The following TAB2 variants were observed in gnomAD, a reference collection of about 807,000 sequenced individuals.
TAB2 encodes the protein TGF-beta-activated kinase 1 and MAP3K7-binding protein 2.
TAB2 carries 3 observed loss-of-function variants against 65.0 expected under a neutral mutation model. That is an observed-to-expected ratio of 0.05 (90% CI 0.02 to 0.12). The LOEUF is 0.12. TAB2 is among the 10% of genes least tolerant of loss of function. The pLI is 1.00. For missense variants in TAB2, 623 were observed against 840.3 expected (o/e 0.74, Z 3.20); for synonymous variants, 298 against 285.1 (o/e 1.05, Z -0.46).
chr6:149,409,503 G>A (rs1003649453), intron 6 of TAB2, 74 bp from the exon 7 acceptor site: 9 of 1,365,454 alleles, frequency 6.6e-6, no homozygotes, highest in Non-Finnish European at 9.3e-6. Context: ...ACTACAAATG[G>A]TGTTTAAAGT....
chr6:149,404,878 C>G (rs544144213), intron 6 of TAB2, among the ~76,000 whole-genome samples: 16 of 152,120 alleles, frequency 1.1e-4, no homozygotes, highest in South Asian at 2.1e-4. Flanking sequence ...GATATGACAC[C>G]AAAAGCACAG....
intron 3 of TAB2, among the ~76,000 whole-genome samples, chr6:149,397,372 C>G (rs1447015837): frequency 6.6e-6 from 1 of 151,182 alleles, no homozygotes; most frequent in Non-Finnish European, 1.5e-5. Context: ...ACCCAGGAGG[C>G]AGAGGTTGCA....
At chr6:149,239,302 T>A (rs1387259478) in intron 1 of TAB2, among the ~76,000 whole-genome samples, 2 of 152,152 alleles carry the variant, frequency 1.3e-5, no homozygotes, top group Non-Finnish European at 2.9e-5. Flanking sequence ...GGCCTGGAGT[T>A]GCCATGACCA....
In TAB2 at chr6:149,379,454, T is replaced by C. The variant is rs756934259; in HGVS notation, c.1539T>C (p.His513=). Residue 513 remains histidine, a synonymous_variant, in exon 3 of 7, where the codon CAT becomes CAC. Transcript: ENST00000637181. ...IQHLTDPTLA[H]VDRISETRKL... is the part of the protein sequence containing the mutation. ...ACCTCACGGACCCTACATTAGCACA[T>C]GTGGATAGAATAAGTGAAACACGGA... 4 of 1,613,878 alleles carry C rather than the reference T, an allele frequency of 2.5e-6. No homozygotes were observed. Among genetic ancestry groups the C allele is most frequent in the South Asian group, 1.1e-5 (1 of 91,056 alleles).
chr6:149,357,430 A>AAAAAACACACACACACACAC, intron 1 of TAB2, among the ~76,000 whole-genome samples: 49 of 111,176 alleles, frequency 4.4e-4, no homozygotes, highest in Non-Finnish European at 7.9e-4. Flanking sequence ...AGAAAAAAAA[A>AAAAAACACACACACACACAC]ACACACACAC....
At chr6:149,379,931 C>A (rs1190304318) in intron 3 of TAB2, 1 of 454,214 alleles carries the variant, frequency 2.2e-6, no homozygotes, top group Admixed American at 2.4e-5. Context: ...CTTCTTTGAC[C>A]AGATATTTGA....
intron 1 of TAB2, among the ~76,000 whole-genome samples, chr6:149,354,671 T>C (rs1780599799): frequency 6.6e-6 from 1 of 152,218 alleles, no homozygotes; most frequent in African/African-American, 2.4e-5. Context: ...TCTGTGCACG[T>C]AAAAGCGTGT....
chr6:149,306,987 G>T (rs921716642), intron 1 of TAB2, among the ~76,000 whole-genome samples: 1 of 152,030 alleles, frequency 6.6e-6, no homozygotes, highest in Non-Finnish European at 1.5e-5. Flanking sequence ...TCTTTTTGTC[G>T]ATTTTGTTTT....
intron 1 of TAB2, among the ~76,000 whole-genome samples, chr6:149,334,337 C>T (rs506573): frequency 0.87 from 132,472 of 152,098 alleles, 57,755 homozygotes; most frequent in Middle Eastern, 0.97. Context: ...GAAAGTGACA[C>T]GATTCAGCCA....
chr6:149,339,108 G>A (rs1182190007), intron 1 of TAB2, among the ~76,000 whole-genome samples: 2 of 152,214 alleles, frequency 1.3e-5, no homozygotes, highest in African/African-American at 4.8e-5. Context: ...GCTCACGCCT[G>A]TAATCCCAGC....
Position 149,369,896 on chromosome 6 carries a change from C to CT in TAB2, c.-89-10dup. The CT allele has an allele frequency of 2.8e-6, 3 of 1,055,992 alleles. No individual in the cohort carries two copies. Among genetic ancestry groups the CT allele is most frequent in the Non-Finnish European group, 4.3e-6 (3 of 693,480 alleles). 65.4% of individuals were successfully genotyped at this position (1,055,992 alleles called of 1,614,324 possible). A position where few individuals can be genotyped will look rare whatever the true frequency, so the allele number is the denominator to read the frequency against. On this transcript the variant is annotated splice_polypyrimidine_tract_variant and intron_variant, in intron 1 of 6. Transcript: ENST00000637181. ...ATCAGTTCTCATTAAAATTTTTTTT[C>CT]TTTCTTTCACAGAAAATGCTTGGAC...
At chr6:149,395,167 A>G (rs549549558) in intron 3 of TAB2, among the ~76,000 whole-genome samples, 1 of 152,390 alleles carries the variant, frequency 6.6e-6, no homozygotes, top group South Asian at 2.1e-4. Flanking sequence ...CAAAATGCCT[A>G]CAACAACATC....
intron 1 of TAB2, among the ~76,000 whole-genome samples, chr6:149,240,205 A>G (rs891598339): frequency 6.6e-6 from 1 of 152,132 alleles, no homozygotes; most frequent in East Asian, 1.9e-4. Flanking sequence ...TTACCCATGT[A>G]ATCTGAGCAT....
intron 3 of TAB2, among the ~76,000 whole-genome samples, chr6:149,396,410 T>TA (rs1782172697): frequency 6.6e-6 from 1 of 152,244 alleles, no homozygotes; most frequent in Non-Finnish European, 1.5e-5. Flanking sequence ...GTAACATTCT[T>TA]ACATCTATCT....
chr6:149,398,590 T>C (rs1364916467), intron 5 of TAB2, among the ~76,000 whole-genome samples: 6 of 152,196 alleles, frequency 3.9e-5, no homozygotes, highest in African/African-American at 1.4e-4. Flanking sequence ...GCTATTTATC[T>C]TTAAACATTC....
chr6:149,399,962 T>C (rs1782315299), intron 6 of TAB2, among the ~76,000 whole-genome samples: 1 of 152,190 alleles, frequency 6.6e-6, no homozygotes, highest in South Asian at 2.1e-4. Context: ...TAAGTTGTTA[T>C]CAACTTAAAA....
chr6:149,275,443 T>C (rs76861335), intron 1 of TAB2, among the ~76,000 whole-genome samples: 2 of 152,160 alleles, frequency 1.3e-5, no homozygotes, highest in African/African-American at 2.4e-5. Context: ...TAACTCAATA[T>C]CCTTGAGACC....
At chr6:149,406,767 G>C (rs926173167) in intron 6 of TAB2, among the ~76,000 whole-genome samples, 3 of 152,058 alleles carry the variant, frequency 2.0e-5, no homozygotes, top group African/African-American at 7.2e-5. Context: ...TGCCCAGGCT[G>C]GAGTGCAATG....
At chr6:149,382,579 G>A (rs1781649256) in intron 3 of TAB2, among the ~76,000 whole-genome samples, 1 of 151,404 alleles carries the variant, frequency 6.6e-6, no homozygotes, top group Non-Finnish European at 1.5e-5. Context: ...CTGGGTGACA[G>A]CAAGACTTTG....
Sources: gnomAD v4.1 joint callset for allele counts (sites outside exome capture counted in the v4.1 genomes callset) on GRCh38, gnomAD v4.1.1 for gene constraint, MANE v1.5 for transcripts, NCBI Gene and HGNC (gene_info 2026-07-23, HGNC 2026-07-21) for gene names.